The following BCKDHB variants were observed in gnomAD, a reference collection of about 807,000 sequenced individuals.
BCKDHB encodes branched chain keto acid dehydrogenase E1 subunit beta.
Under a neutral mutation model 48.5 loss-of-function variants are expected in BCKDHB, and 41 were observed. That is an observed-to-expected ratio of 0.85 (90% confidence interval 0.66 to 1.10). The LOEUF (loss-of-function observed/expected upper bound fraction) is 1.10. Ranked by LOEUF, BCKDHB falls within the 50% of genes least tolerant of loss-of-function variation. The pLI is 0.00. For missense variants in BCKDHB, 496 were observed against 494.2 expected (o/e 1.00, Z -0.03); for synonymous variants, 201 against 174.8 (o/e 1.15, Z -1.18).
intron 9 of BCKDHB, among the ~76,000 whole-genome samples, chr6:80,325,425 T>C (rs1768985165): frequency 6.6e-6 from 1 of 152,216 alleles, no homozygotes; most frequent in South Asian, 2.1e-4. Flanking sequence ...GCAATCTATT[T>C]GTCTGAAAAA....
chr6:80,447,153 G>T, the BCKDHB span, among the ~76,000 whole-genome samples: 1 of 152,096 alleles, frequency 6.6e-6, no homozygotes, highest in African/African-American at 2.4e-5. Context: ...GTGTAGTACA[G>T]TTGAAAGTCC....
chr6:80,134,493 T>G (rs1770787216), intron 3 of BCKDHB, among the ~76,000 whole-genome samples: 1 of 152,176 alleles, frequency 6.6e-6, no homozygotes, highest in South Asian at 2.1e-4. Context: ...TGGGCCTCAG[T>G]ATCCTCATCA....
chr6:80,400,864 C>G, the BCKDHB span, among the ~76,000 whole-genome samples: 1 of 151,964 alleles, frequency 6.6e-6, no homozygotes, highest in Non-Finnish European at 1.5e-5. Context: ...TACATATACA[C>G]CACAGAATAC....
the BCKDHB span, chr6:80,440,979 A>C: frequency 6.6e-6 from 1 of 152,100 alleles, no homozygotes; most frequent in Admixed American, 6.6e-5. Context: ...GTGAAAGCCA[A>C]CTCATTAACC....
the BCKDHB span, among the ~76,000 whole-genome samples, chr6:80,462,253 A>G: frequency 5.3e-5 from 8 of 152,180 alleles, no homozygotes; most frequent in Middle Eastern, 3.2e-3. Context: ...CTATTTACTT[A>G]TCTTTCTCCT....
intron 8 of BCKDHB, among the ~76,000 whole-genome samples, chr6:80,210,694 T>C (rs1002477127): frequency 6.6e-6 from 1 of 152,148 alleles, no homozygotes; most frequent in Non-Finnish European, 1.5e-5. Flanking sequence ...TTGGTGTCCT[T>C]AGCCAGGAAG....
At chr6:80,183,962 G>A (rs919082948) in intron 6 of BCKDHB, among the ~76,000 whole-genome samples, 1 of 151,518 alleles carries the variant, frequency 6.6e-6, no homozygotes, top group Non-Finnish European at 1.5e-5. Flanking sequence ...TTGTTTGGAA[G>A]TAACACAGTT....
chr6:80,434,194 A>T, the BCKDHB span, among the ~76,000 whole-genome samples: 1 of 151,792 alleles, frequency 6.6e-6, no homozygotes, highest in African/African-American at 2.4e-5. Context: ...TATTTTATTA[A>T]ATTTCAAATA....
the BCKDHB span, among the ~76,000 whole-genome samples, chr6:80,357,402 T>C: frequency 6.6e-6 from 1 of 152,096 alleles, no homozygotes; most frequent in Non-Finnish European, 1.5e-5. Context: ...GGCCTTCTGA[T>C]TGCCTGCCAG....
At chr6:80,415,235 C>T in the BCKDHB span, among the ~76,000 whole-genome samples, 1 of 152,216 alleles carries the variant, frequency 6.6e-6, no homozygotes, top group African/African-American at 2.4e-5. Context: ...TCCTCTTTTA[C>T]TATTTGGATG....
the BCKDHB span, among the ~76,000 whole-genome samples, chr6:80,420,395 A>G: frequency 6.6e-6 from 1 of 152,150 alleles, no homozygotes; most frequent in Non-Finnish European, 1.5e-5. Flanking sequence ...TCTCAGAAGG[A>G]AAGTTTTAGG....
intron 3 of BCKDHB, among the ~76,000 whole-genome samples, chr6:80,134,843 C>G (rs1181919178): frequency 1.3e-5 from 2 of 152,032 alleles, no homozygotes; most frequent in Admixed American, 1.3e-4. Context: ...ACTTCCATTC[C>G]CCAGGTTCAA....
chr6:80,200,766 A>G (rs1712893673), intron 6 of BCKDHB, among the ~76,000 whole-genome samples, 168 bp from the exon 7 acceptor site: 1 of 152,162 alleles, frequency 6.6e-6, no homozygotes, highest in Non-Finnish European at 1.5e-5. Context: ...CTGTGCAGTA[A>G]TGTCATGGAG....
chr6:80,390,266 C>G, the BCKDHB span, among the ~76,000 whole-genome samples: 1 of 152,076 alleles, frequency 6.6e-6, no homozygotes, highest in African/African-American at 2.4e-5. Context: ...CAGCCCGATC[C>G]AGGCAGGACT....
chr6:80,268,251 C>T (rs759236341), intron 8 of BCKDHB, among the ~76,000 whole-genome samples: 3 of 151,980 alleles, frequency 2.0e-5, no homozygotes, highest in Non-Finnish European at 2.9e-5. Flanking sequence ...AATTCAGTTG[C>T]GTTGATATTT....
chr6:80,309,159 G>T (rs1440563450), intron 9 of BCKDHB, among the ~76,000 whole-genome samples: 1 of 151,514 alleles, frequency 6.6e-6, no homozygotes, highest in African/African-American at 2.4e-5. Context: ...CGCCTCCCAG[G>T]TTCAAGTGAT....
chr6:80,447,258 G>C, the BCKDHB span, among the ~76,000 whole-genome samples: 3 of 152,000 alleles, frequency 2.0e-5, no homozygotes, highest in Non-Finnish European at 4.4e-5. Flanking sequence ...CTGTTACTGT[G>C]AGGATCAGAT....
chr6:80,274,600 C>G (rs550196577), intron 9 of BCKDHB, among the ~76,000 whole-genome samples: 15 of 151,980 alleles, frequency 9.9e-5, no homozygotes, highest in Admixed American at 7.2e-4. Context: ...ACTTTGACAG[C>G]CTTGTTGTGT....
chr6:80,383,960 T>A, the BCKDHB span, among the ~76,000 whole-genome samples: 1 of 152,230 alleles, frequency 6.6e-6, no homozygotes. Flanking sequence ...CCAATACTTT[T>A]AAACCACCAT....
Sources: gnomAD v4.1 joint callset for allele counts (sites outside exome capture counted in the v4.1 genomes callset) on GRCh38, gnomAD v4.1.1 for gene constraint, MANE v1.5 for transcripts, NCBI Gene and HGNC (gene_info 2026-07-23, HGNC 2026-07-21) for gene names.